The following PCDH15 variants were observed in gnomAD, a reference collection of about 807,000 sequenced individuals.
PCDH15 encodes protocadherin related 15.
PCDH15 carries 129 observed loss-of-function variants against 178.5 expected under a neutral mutation model. The observed-to-expected ratio is 0.72, with a 90% confidence interval of 0.63 to 0.84. The LOEUF is 0.84. PCDH15 is among the 40% of genes least tolerant of loss of function. The pLI is 0.00. For missense variants in PCDH15, 2,230 were observed against 2,099.9 expected, an observed-to-expected ratio of 1.06 and a Z score of -1.21; for synonymous variants, 800 against 732.0, an observed-to-expected ratio of 1.09 and a Z score of -1.50.
chr10:53,932,510 GT>G (rs1426889144), intron 25 of PCDH15, among the ~76,000 whole-genome samples: 2 of 152,252 alleles, frequency 1.3e-5, no homozygotes, highest in East Asian at 1.9e-4. Context: ...TAAGGGCAGC[GT>G]TTTTTACTGT....
At chr10:55,012,018 A>G (rs1412826572) in intron 2 of PCDH15, among the ~76,000 whole-genome samples, 1 of 152,136 alleles carries the variant, frequency 6.6e-6, no homozygotes, top group Non-Finnish European at 1.5e-5. Flanking sequence ...TTGCCTCTTG[A>G]AAAACCATTT....
At chr10:55,116,180 C>G (rs1370537730) in intron 2 of PCDH15, among the ~76,000 whole-genome samples, 2 of 152,018 alleles carry the variant, frequency 1.3e-5, no homozygotes, top group East Asian at 3.9e-4. Flanking sequence ...AATCTTAGAA[C>G]CAGGTGAATA....
intron 2 of PCDH15, chr10:54,606,310 T>C (rs1364914990): frequency 6.6e-6 from 1 of 152,142 alleles, no homozygotes; most frequent in African/African-American, 2.4e-5. Flanking sequence ...ATGATTCTAT[T>C]TCCTGAGAGG....
intron 4 of PCDH15, among the ~76,000 whole-genome samples, chr10:54,377,279 A>C: frequency 6.6e-6 from 1 of 152,100 alleles, no homozygotes; most frequent in East Asian, 1.9e-4. Context: ...AGCATATATT[A>C]TTTTACAATT....
At chr10:53,835,537 A>C (rs1159635157) in intron 29 of PCDH15, among the ~76,000 whole-genome samples, 1 of 152,104 alleles carries the variant, frequency 6.6e-6, no homozygotes, top group Non-Finnish European at 1.5e-5. Context: ...AGCAAAAAAA[A>C]CCAAATTCCA....
intron 8 of PCDH15, among the ~76,000 whole-genome samples, chr10:54,238,658 G>GA (rs2054883659): frequency 2.0e-5 from 1 of 48,834 alleles, no homozygotes; most frequent in Non-Finnish European, 4.2e-5. Context: ...CTCCCATGCT[G>GA]CCTCTCTCTC....
intron 1 of PCDH15, among the ~76,000 whole-genome samples, chr10:55,260,826 T>C (rs1842130991): frequency 6.6e-6 from 1 of 152,200 alleles, no homozygotes; most frequent in Admixed American, 6.5e-5. Flanking sequence ...TATACTTCAA[T>C]TCTCAAAACT....
chr10:55,570,159 A>G (rs534474438), intron 2 of PCDH15, among the ~76,000 whole-genome samples: 3 of 152,038 alleles, frequency 2.0e-5, no homozygotes, highest in Non-Finnish European at 2.9e-5. Flanking sequence ...TTTCTTAAAA[A>G]TACTAGAATT....
chr10:55,287,286 CTT>C lies in PCDH15; in HGVS notation c.-156+32311_-156+32312del, dbSNP rs1842897062. On this transcript the variant is annotated intron_variant, in intron 1 of 5. Coordinates refer to the PCDH15 transcript ENST00000458638. The stretch of plus-strand genomic sequence containing the variant: ...TTTATGTGCAAATTTTACAACGAGA[CTT>C]TGTTATATTCACCTACATAGCCCCT... Among the ~76,000 whole-genome samples, 3 of 152,088 alleles carry C rather than the reference CTT, an allele frequency of 2.0e-5. No homozygotes were observed. In the East Asian group the frequency reaches 5.8e-4, roughly 29 times the overall value.
At chr10:55,000,182 G>T (rs1039994228) in intron 2 of PCDH15, among the ~76,000 whole-genome samples, 7 of 152,112 alleles carry the variant, frequency 4.6e-5, no homozygotes, top group Non-Finnish European at 7.4e-5. Flanking sequence ...GCCTGGGAGC[G>T]CTATGGGAGA....
At chr10:54,289,379 C>T (rs1281828921) in intron 8 of PCDH15, among the ~76,000 whole-genome samples, 2 of 152,202 alleles carry the variant, frequency 1.3e-5, no homozygotes, top group East Asian at 3.8e-4. Flanking sequence ...TATACCAAAA[C>T]CCCATCTGTG....
At chr10:54,485,250 A>C (rs1267259422) in intron 3 of PCDH15, among the ~76,000 whole-genome samples, 1 of 151,882 alleles carries the variant, frequency 6.6e-6, no homozygotes, top group East Asian at 1.9e-4. Context: ...TATATACCAG[A>C]AACTTTCATT....
Position 53,803,401 on chromosome 10 carries a change from G to T in PCDH15, c.*3178C>A, listed in dbSNP as rs1840981414. The T allele has an allele frequency of 6.6e-6, 1 of 151,884 alleles. No homozygotes were observed. The highest frequency in any genetic ancestry group is 1.5e-5 in the Non-Finnish European group (1 of 67,870). The allele number at this position is 151,884 out of a possible 1,614,324, so 9.4% of individuals were successfully genotyped here. ...AATATTCAATTACTTCTGGCTCTATGATATAAAAATGTTTTTAAATAATAT... is the reference window on the plus strand; with the variant it reads ...AATATTCAATTACTTCTGGCTCTATTATATAAAAATGTTTTTAAATAATAT... On this transcript the variant is annotated 3_prime_UTR_variant, in exon 38 of 38. Coordinates refer to ENST00000644397, the MANE Select transcript of PCDH15 (RefSeq NM_001384140.1).
intron 15 of PCDH15, among the ~76,000 whole-genome samples, chr10:54,094,246 T>C (rs1285753394): frequency 3.3e-5 from 5 of 152,212 alleles, no homozygotes; most frequent in African/African-American, 1.2e-4. Context: ...CCTGCCCTTA[T>C]ACAATTTACA....
chr10:54,224,419 C>G (rs2053209532), intron 9 of PCDH15, among the ~76,000 whole-genome samples: 1 of 152,090 alleles, frequency 6.6e-6, no homozygotes, highest in Non-Finnish European at 1.5e-5. Context: ...TACAGAATCC[C>G]TTATTTATCC....
intron 3 of PCDH15, among the ~76,000 whole-genome samples, chr10:54,452,863 T>G (rs181794660): frequency 6.6e-6 from 1 of 152,172 alleles, no homozygotes; most frequent in Non-Finnish European, 1.5e-5. Flanking sequence ...CATGTACACA[T>G]TTAGATGCTG....
intron 2 of PCDH15, chr10:54,605,753 A>C (rs909122433): frequency 2.0e-5 from 3 of 152,272 alleles, no homozygotes; most frequent in Admixed American, 1.3e-4. Flanking sequence ...ACTATGGCAA[A>C]TGTTTGCAAG....
At chr10:54,982,929 G>C (rs537252108) in intron 2 of PCDH15, among the ~76,000 whole-genome samples, 1 of 152,100 alleles carries the variant, frequency 6.6e-6, no homozygotes, top group Non-Finnish European at 1.5e-5. Flanking sequence ...CTGTGTTACA[G>C]GCATATAAAC....
intron 1 of PCDH15, among the ~76,000 whole-genome samples, chr10:55,277,154 A>G (rs1469273057): frequency 6.6e-6 from 1 of 151,890 alleles, no homozygotes; most frequent in Non-Finnish European, 1.5e-5. Context: ...CACGACCTAT[A>G]TTTTTTCTGA....
Sources: gnomAD v4.1 joint callset for allele counts (sites outside exome capture counted in the v4.1 genomes callset) on GRCh38, gnomAD v4.1.1 for gene constraint, MANE v1.5 for transcripts, NCBI Gene and HGNC (gene_info 2026-07-23, HGNC 2026-07-21) for gene names.